The following MMP16 variants were observed in gnomAD, a reference collection of about 807,000 sequenced individuals.
MMP16 encodes the protein matrix metallopeptidase 16, also known as matrix metalloproteinase-16.
In MMP16, 12 loss-of-function variants were observed where a neutral mutation model predicts 67.8. That is an observed-to-expected ratio of 0.18 (90% CI 0.11 to 0.29). The LOEUF is 0.29. MMP16 is among the 10% of genes least tolerant of loss of function. MMP16 has a pLI of 1.00. For synonymous variants in MMP16, 249 were observed against 255.9 expected (o/e 0.97, Z 0.26); for missense variants, 475 against 765.7 (o/e 0.62, Z 4.48).
chr8:88,245,205 T>G (rs887201541), intron 1 of MMP16, among the ~76,000 whole-genome samples: 1 of 152,190 alleles, frequency 6.6e-6, no homozygotes, highest in Non-Finnish European at 1.5e-5. Context: ...CTTAAATACA[T>G]GTATAGATCT....
chr8:88,245,608 A>T (rs1326730821), intron 1 of MMP16, among the ~76,000 whole-genome samples: 1 of 152,184 alleles, frequency 6.6e-6, no homozygotes, highest in Non-Finnish European at 1.5e-5. Flanking sequence ...AGAAAGACCT[A>T]AAAGATTATC....
At chr8:88,135,651 G>A (rs1227496096) in intron 4 of MMP16, among the ~76,000 whole-genome samples, 1 of 151,758 alleles carries the variant, frequency 6.6e-6, no homozygotes, top group Non-Finnish European at 1.5e-5. Context: ...GAGGAGAATC[G>A]ACGTAACCAT....
intron 1 of MMP16, among the ~76,000 whole-genome samples, chr8:88,294,393 T>G (rs967716774): frequency 6.6e-6 from 1 of 150,594 alleles, no homozygotes. Flanking sequence ...CACACATATA[T>G]ACATATGTAT....
rs150192692 is a variant in MMP16 at position 88,103,148 on chromosome 8, G to A, written c.1083+13359C>T. Reference sequence around the variant, plus strand: ...CTTTCCCAGTGCACCATATCCCTTCGTACCTCCAGTCCTGGCTAACTTTAC... The same window carrying A: ...CTTTCCCAGTGCACCATATCCCTTCATACCTCCAGTCCTGGCTAACTTTAC... On this transcript the variant is annotated intron_variant, in intron 6 of 9. Coordinates refer to ENST00000286614, the MANE Select transcript of MMP16 (RefSeq NM_005941.5). Among the ~76,000 whole-genome samples the A allele has an allele frequency of 2.7e-4, 41 of 151,672 alleles. No individual in the cohort carries two copies. The East Asian group carries it at 7.5e-3, about 28-fold the overall frequency.
chr8:88,075,189 A>G (rs1028185883), intron 6 of MMP16, among the ~76,000 whole-genome samples: 3 of 152,182 alleles, frequency 2.0e-5, no homozygotes, highest in African/African-American at 7.2e-5. Flanking sequence ...CGCCCCTGTT[A>G]TGCCTATTGT....
At chr8:88,233,157 G>A (rs1008958534) in intron 1 of MMP16, among the ~76,000 whole-genome samples, 4 of 152,120 alleles carry the variant, frequency 2.6e-5, no homozygotes, top group African/African-American at 9.7e-5. Flanking sequence ...TCTTAGCAGA[G>A]TATCTAGCAC....
At chr8:88,289,133 CAGAGAG>C (rs149638416) in intron 1 of MMP16, among the ~76,000 whole-genome samples, 1 of 149,030 alleles carries the variant, frequency 6.7e-6, no homozygotes, top group African/African-American at 2.5e-5. Flanking sequence ...GAGACAGAGA[CAGAGAG>C]AGAGAGAGAG....
chr8:88,264,615 CG>C (rs1473569003), intron 1 of MMP16, among the ~76,000 whole-genome samples: 2 of 152,134 alleles, frequency 1.3e-5, no homozygotes, highest in African/African-American at 4.8e-5. Flanking sequence ...TCCTAAGTGT[CG>C]GGCACATGCA....
At chr8:88,284,163 G>A (rs1351254080) in intron 1 of MMP16, among the ~76,000 whole-genome samples, 2 of 152,114 alleles carry the variant, frequency 1.3e-5, no homozygotes, top group African/African-American at 4.8e-5. Flanking sequence ...ACATTGCTCT[G>A]TATTATCCAC....
At chr8:88,159,108 C>G (rs1237895243) in intron 4 of MMP16, among the ~76,000 whole-genome samples, 1 of 152,164 alleles carries the variant, frequency 6.6e-6, no homozygotes, top group Non-Finnish European at 1.5e-5. Flanking sequence ...ATGATGCCTC[C>G]AGCTTTGTTC....
chr8:88,173,378 A>G (rs1479847665), intron 3 of MMP16, among the ~76,000 whole-genome samples: 1 of 152,110 alleles, frequency 6.6e-6, no homozygotes, highest in Non-Finnish European at 1.5e-5. Context: ...ATACCTTTTT[A>G]AAGTATTGTT....
At chr8:88,264,031 C>CATATATGT (rs1491101969) in intron 1 of MMP16, among the ~76,000 whole-genome samples, 1 of 40,306 alleles carries the variant, frequency 2.5e-5, no homozygotes, top group African/African-American at 6.8e-5. Context: ...ACAAAAATGG[C>CATATATGT]ACATATATAT....
At chr8:88,172,588 A>C (rs1808823656) in intron 3 of MMP16, among the ~76,000 whole-genome samples, 1 of 152,198 alleles carries the variant, frequency 6.6e-6, no homozygotes, top group Non-Finnish European at 1.5e-5. Context: ...TTTGCAGAAT[A>C]AAAGACACTG....
chr8:88,236,922 G>A (rs1809950457), intron 1 of MMP16, among the ~76,000 whole-genome samples: 3 of 152,026 alleles, frequency 2.0e-5, no homozygotes, highest in African/African-American at 7.2e-5. Context: ...GGCAAAATTA[G>A]TATTAGTAGT....
At chr8:88,287,641 A>T (rs976624241) in intron 1 of MMP16, among the ~76,000 whole-genome samples, 1 of 152,226 alleles carries the variant, frequency 6.6e-6, no homozygotes, top group Non-Finnish European at 1.5e-5. Context: ...TAATGAATAC[A>T]TAAATGGATG....
At position 88,222,943 on chromosome 8, in the gene MMP16, C is replaced by T. The variant is rs143729810; in HGVS notation, c.133-25637G>A. ...ATGGGAGAAAATTTTTGCAATCCAC[C>T]CATCTGACAAAGGGCTAATATGCAG... On this transcript the variant is annotated intron_variant, in intron 1 of 9. Coordinates refer to ENST00000286614, the MANE Select transcript of MMP16 (RefSeq NM_005941.5). Among the ~76,000 whole-genome samples the T allele has an allele frequency of 5.1e-3, 782 of 152,058 alleles. 11 individuals carry two copies. The highest frequency in any genetic ancestry group is 0.018 in the African/African-American group (748 of 41,502).
intron 9 of MMP16, among the ~76,000 whole-genome samples, chr8:88,042,389 G>A (rs1180676447): frequency 6.6e-6 from 1 of 152,144 alleles, no homozygotes; most frequent in Non-Finnish European, 1.5e-5. Flanking sequence ...TAAAACTGGA[G>A]GGGCTTTCAT....
At chr8:88,057,768 T>C (rs543290512) in intron 7 of MMP16, among the ~76,000 whole-genome samples, 1 of 152,290 alleles carries the variant, frequency 6.6e-6, no homozygotes, top group South Asian at 2.1e-4. Flanking sequence ...TACTACCATT[T>C]GATACCATTT....
intron 1 of MMP16, among the ~76,000 whole-genome samples, chr8:88,208,865 A>C (rs959619097): frequency 5.9e-5 from 9 of 151,422 alleles, no homozygotes; most frequent in Non-Finnish European, 1.5e-5. Context: ...AAAAGAGGAG[A>C]GGGAATGTAC....
Sources: gnomAD v4.1 joint callset for allele counts (sites outside exome capture counted in the v4.1 genomes callset) on GRCh38, gnomAD v4.1.1 for gene constraint, MANE v1.5 for transcripts, NCBI Gene and HGNC (gene_info 2026-07-23, HGNC 2026-07-21) for gene names.